Variants in TCF20 observed in about 807,000 individuals in gnomAD.
TCF20 encodes the protein transcription factor 20.
TCF20 carries 3 observed loss-of-function variants against 148.6 expected under a neutral mutation model. The observed-to-expected ratio is 0.02, with a 90% CI of 0.01 to 0.05. The LOEUF is 0.05. Ranked by LOEUF, TCF20 falls within the 10% of genes least tolerant of loss-of-function variation. TCF20 has a pLI of 1.00. For synonymous variants in TCF20, 1,049 were observed against 909.5 expected (o/e 1.15, Z -2.76); for missense variants, 2,350 against 2,429.3 (o/e 0.97, Z 0.69).
At chr22:42,206,605 ACTT>A (rs1243619576) in intron 2 of TCF20, among the ~76,000 whole-genome samples, 1 of 152,120 alleles carries the variant, frequency 6.6e-6, no homozygotes, top group Non-Finnish European at 1.5e-5. Context: ...TTGTGTATAA[ACTT>A]CTTAGGGGAA....
chr22:42,196,796 A>C lies in TCF20; in HGVS notation c.5655+12855T>G, dbSNP rs562565087. Among the ~76,000 whole-genome samples the C allele has an allele frequency of 3.1e-4, 47 of 152,264 alleles. 1 individual carries two copies. Among genetic ancestry groups the C allele is most frequent in the African/African-American group, 1.1e-3 (44 of 41,550 alleles). Reference sequence around the variant, plus strand: ...AGATGAAATGCCTCCACCGCTGAACAATGTCAGGGCACCCAGGTCCCACTG... The same window carrying C: ...AGATGAAATGCCTCCACCGCTGAACCATGTCAGGGCACCCAGGTCCCACTG... On this transcript the variant is annotated intron_variant, in intron 2 of 5. Coordinates refer to ENST00000677622, the MANE Select transcript of TCF20 (RefSeq NM_001378418.1).
At chr22:42,235,187 C>A (rs1923777167) in intron 1 of TCF20, among the ~76,000 whole-genome samples, 1 of 150,992 alleles carries the variant, frequency 6.6e-6, no homozygotes, top group African/African-American at 2.4e-5. Flanking sequence ...TCGCTCTAGA[C>A]CTTATTTTAG....
rs527564188 is a variant in TCF20, at chr22:42,173,204, G to A, written c.5750-3308C>T. 1.1e-4 allele frequency among the ~76,000 whole-genome samples: 16 copies of A among 147,506 alleles called. No homozygotes were observed. In the East Asian group the frequency reaches 1.6e-3, roughly 14 times the overall value. On this transcript the variant is annotated intron_variant, in intron 3 of 5. Transcript: ENST00000677622. ...TGAGCTACCACAGCCTTTTTTTCTC[G>A]TCTTAATTGTTGTGGCTCATTGCAT...
intron 1 of TCF20, among the ~76,000 whole-genome samples, chr22:42,258,028 T>C (rs1008238478): frequency 6.6e-6 from 1 of 152,194 alleles, no homozygotes; most frequent in African/African-American, 2.4e-5. Context: ...TGGGGAACAG[T>C]GGAATTGCCA....
At chr22:42,239,478 G>A (rs1250899737) in intron 1 of TCF20, among the ~76,000 whole-genome samples, 9 of 144,178 alleles carry the variant, frequency 6.2e-5, no homozygotes, top group African/African-American at 7.7e-5. Context: ...ATCTCTCTCA[G>A]AAAAAAAAAA....
In TCF20 at chr22:42,210,580, T is replaced by C. The variant is rs1406199233; in HGVS notation, c.4726A>G (p.Lys1576Glu). ...CTCCTTTGCCTCTGTTTTTTTGGCT[T>C]TGGCTCTCCATCTGCAGAACCTTCT... is the stretch of plus-strand genomic sequence containing the variant. ...IPEGSADGEP[K>E]PKKQRQRRER... Residue 1576 changes from lysine to glutamate, a missense_variant, in exon 2 of 6, where the codon AAG becomes GAG. Physicochemically the swap from Lys to Glu is moderately conservative, Grantham distance 56. Around this residue, in one of 7 missense-constraint regions of TCF20, gnomAD observed 374 missense variants for 398.3 expected, o/e 0.94. Transcript: ENST00000677622. This position sits in a 1 kb window ranked among gnomAD's most constrained non-coding sequence, Gnocchi z 4.7. 2 of 1,614,018 alleles carry C rather than the reference T, an allele frequency of 1.2e-6. No homozygotes were observed. The highest frequency in any genetic ancestry group is 3.3e-5 in the Admixed American group (2 of 59,996).
chr22:42,168,590 C>G lies in TCF20; in HGVS notation c.*44+19G>C. Reference sequence around the variant, plus strand: ...TGGGAGCCGGGCAGGATGCAGGGAGCCCGGTGGCCCCGACTCACCTGTGCT... The same window carrying G: ...TGGGAGCCGGGCAGGATGCAGGGAGGCCGGTGGCCCCGACTCACCTGTGCT... On this transcript the variant is annotated intron_variant, in intron 5 of 5. Coordinates refer to ENST00000677622, the MANE Select transcript of TCF20 (RefSeq NM_001378418.1). 1 of 1,546,410 alleles carries G rather than the reference C, an allele frequency of 6.5e-7. No homozygotes were observed. The highest frequency in any genetic ancestry group is 1.2e-5 in the South Asian group (1 of 84,790).
intron 1 of TCF20, among the ~76,000 whole-genome samples, chr22:42,260,180 T>A (rs1925955074): frequency 6.6e-6 from 1 of 151,978 alleles, no homozygotes; most frequent in Admixed American, 6.5e-5. Context: ...AGGAGCCAAG[T>A]GTAAAGGTCC....
rs1928011007 is a variant in TCF20, at chr22:42,333,338, C to A, written c.-37+10141G>T. 3.9e-5 allele frequency among the ~76,000 whole-genome samples: 6 copies of A among 151,950 alleles called. No individual in the cohort carries two copies. In the South Asian group the frequency reaches 1.2e-3, roughly 32 times the overall value. On this transcript the variant is annotated intron_variant, in intron 1 of 1. Transcript: ENST00000515426. ...GGCTGTGTGTAGACAGTGGCAGGAG[C>A]TGCCTCGCTGTGCAGAAGCTTTAGA...
intron 3 of TCF20, among the ~76,000 whole-genome samples, chr22:42,174,376 A>AG (rs1241108006): frequency 6.6e-6 from 1 of 152,204 alleles, no homozygotes; most frequent in Non-Finnish European, 1.5e-5. Context: ...CTGGACCAGA[A>AG]GGCAGGCTAT....
intron 1 of TCF20, among the ~76,000 whole-genome samples, chr22:42,306,805 A>T (rs1927442343): frequency 6.6e-6 from 1 of 152,082 alleles, no homozygotes; most frequent in African/African-American, 2.4e-5. Context: ...TTGGGAGGCC[A>T]AGGTGGGCGG....
chr22:42,288,706 A>C (rs1927076983), upstream of TCF20, among the ~76,000 whole-genome samples: 1 of 122,104 alleles, frequency 8.2e-6, no homozygotes, highest in Non-Finnish European at 1.6e-5. Context: ...TATTTTTGAG[A>C]CCCTGTATCA....
intron 1 of TCF20, among the ~76,000 whole-genome samples, chr22:42,266,293 G>A (rs551148197): frequency 6.6e-6 from 1 of 152,264 alleles, no homozygotes; most frequent in Non-Finnish European, 1.5e-5. Flanking sequence ...GGTCAGCTGG[G>A]TGGATATTGT....
At chr22:42,243,064 G>A (rs761866147) in intron 1 of TCF20, among the ~76,000 whole-genome samples, 2 of 151,786 alleles carry the variant, frequency 1.3e-5, no homozygotes, top group African/African-American at 2.4e-5. Flanking sequence ...GGATGAATAC[G>A]GAGAGAGTAC....
chr22:42,264,425 C>A (rs1293501567), intron 1 of TCF20, among the ~76,000 whole-genome samples: 1 of 152,172 alleles, frequency 6.6e-6, no homozygotes, highest in African/African-American at 2.4e-5. Context: ...TCTTTCTTAG[C>A]CTTTACAAGG....
At chr22:42,314,034 G>C (rs979266054) in intron 1 of TCF20, among the ~76,000 whole-genome samples, 11 of 152,238 alleles carry the variant, frequency 7.2e-5, no homozygotes, top group African/African-American at 2.7e-4. Flanking sequence ...TGCTCTGTCT[G>C]CTGTGTTCAG....
chr22:42,226,037 T>G, intron 1 of TCF20, among the ~76,000 whole-genome samples: 1 of 152,222 alleles, frequency 6.6e-6, no homozygotes. Flanking sequence ...ATGCTATAAA[T>G]CTGCTCCTGA....
In TCF20 at chr22:42,185,483, G is replaced by C. The variant is rs576110910; in HGVS notation, c.5656-5781C>G. On this transcript the variant is annotated intron_variant, in intron 2 of 5. Transcript: ENST00000677622. ...AAAACTGATGCTGGTGGAGCTTGGA[G>C]AATGTGGAACAAGGTATGTGTTCAT... Among the ~76,000 whole-genome samples the C allele has an allele frequency of 9.3e-4, 141 of 152,266 alleles. 1 individual carries two copies. The highest frequency in any genetic ancestry group is 2.9e-3 in the African/African-American group (119 of 41,558).
chr22:42,307,038 TAAAAAAA>T (rs5845532), intron 1 of TCF20, among the ~76,000 whole-genome samples: 1 of 92,762 alleles, frequency 1.1e-5, no homozygotes, highest in South Asian at 3.9e-4. Context: ...GACTCTGTCT[TAAAAAAA>T]AAAAAAAAAA....
Sources: gnomAD v4.1 joint callset for allele counts (sites outside exome capture counted in the v4.1 genomes callset) on GRCh38, gnomAD v4.1.1 for gene constraint, gnomAD v4.1.1 regional missense constraint, Gnocchi (gnomAD v3.1) non-coding constraint, MANE v1.5 for transcripts, NCBI Gene and HGNC (gene_info 2026-07-23, HGNC 2026-07-21) for gene names.